The following TCFL5 variants were observed in gnomAD, a reference collection of about 807,000 sequenced individuals.
TCFL5 encodes the protein transcription factor-like 5 protein.
Under a neutral mutation model 44.3 loss-of-function variants are expected in TCFL5, and 9 were observed. That is an observed-to-expected ratio of 0.20 (90% confidence interval 0.12 to 0.35). The LOEUF (loss-of-function observed/expected upper bound fraction) is 0.35, where lower values mean the gene tolerates loss of function less well. Among genes scored for constraint, TCFL5 ranks in the 10% least tolerant of loss-of-function variants. The pLI is 1.00. For missense variants in TCFL5, 603 were observed against 613.4 expected (o/e 0.98, Z 0.18); for synonymous variants, 319 against 271.6 (o/e 1.17, Z -1.72).
At chr20:62,858,525 T>G (rs1402579685) in intron 3 of TCFL5, among the ~76,000 whole-genome samples, 2 of 152,256 alleles carry the variant, frequency 1.3e-5, no homozygotes, top group Non-Finnish European at 2.9e-5. Context: ...GAGAAGGCGG[T>G]AGCTCTTCCT....
intron 5 of TCFL5, chr20:62,845,408 C>T: frequency 8.2e-7 from 1 of 1,221,150 alleles, no homozygotes; most frequent in South Asian, 1.6e-5. Flanking sequence ...CAGGCGTGAG[C>T]TACGACGCCC....
chr20:62,855,638 T>A (rs1305854683), intron 4 of TCFL5, among the ~76,000 whole-genome samples: 1 of 152,182 alleles, frequency 6.6e-6, no homozygotes, highest in African/African-American at 2.4e-5. Context: ...TGGTGACGCA[T>A]GCCTGTAATC....
intron 3 of TCFL5, among the ~76,000 whole-genome samples, chr20:62,858,045 T>C (rs1227620489): frequency 6.6e-6 from 1 of 151,428 alleles, no homozygotes; most frequent in African/African-American, 2.4e-5. Context: ...CCCAAAAATA[T>C]TTTCTTTATA....
intron 4 of TCFL5, among the ~76,000 whole-genome samples, chr20:62,855,251 C>T (rs1477462267): frequency 6.6e-6 from 1 of 152,138 alleles, no homozygotes; most frequent in Non-Finnish European, 1.5e-5. Flanking sequence ...CGCTGACCTC[C>T]CAGGCTCAAG....
In TCFL5 at chr20:62,861,076, G is replaced by C; in HGVS notation, c.595C>G (p.Pro199Ala). 1.0e-6 allele frequency: 1 copy of C among 996,308 alleles called. No individual in the cohort carries two copies. Among genetic ancestry groups the C allele is most frequent in the South Asian group, 4.5e-5 (1 of 22,214 alleles). The allele number at this position is 996,308 out of a possible 1,614,324, so 61.7% of individuals were successfully genotyped here. A position where few individuals can be genotyped will look rare whatever the true frequency, so the allele number is the denominator to read the frequency against. ...DRFNSIPAEP[P>A]PAPRGPEPPE... ...GGCTCGGGGCCGCGCGGCGCGGGCG[G>C]CGGCTCGGCGGGGATGCTGTTGAAG... The change falls in exon 1 of 6, where the codon CCG becomes GCG. Residue 199 changes from proline to alanine, a missense_variant. Around this residue, in one of 4 missense-constraint regions of TCFL5, gnomAD observed 540 missense variants for 478.7 expected, o/e 1.13. Coordinates refer to ENST00000335351, the MANE Select transcript of TCFL5 (RefSeq NM_006602.4). The surrounding 1 kb of genome is among the most constrained non-coding windows in gnomAD (Gnocchi z 4.0).
At position 62,842,898 on chromosome 20, in the gene TCFL5, G is replaced by A. The variant is rs372410517; in HGVS notation, c.1381-801C>T. Among the ~76,000 whole-genome samples the A allele has an allele frequency of 2.0e-5, 3 of 152,220 alleles. No individual in the cohort carries two copies. Among genetic ancestry groups the A allele is most frequent in the African/African-American group, 4.8e-5 (2 of 41,440 alleles). On this transcript the variant is annotated intron_variant, in intron 5 of 5. Transcript: ENST00000335351. This position sits in a 1 kb window ranked among gnomAD's most constrained non-coding sequence, Gnocchi z 4.3. ...GGCCAGCAAGGTGGAGGTGCTGCTC[G>A]CTGAGATGGCTCTGTCCTTGGGGAG...
chr20:62,845,798 G>C, intron 5 of TCFL5: 2 of 1,604,364 alleles, frequency 1.2e-6, no homozygotes, highest in Non-Finnish European at 1.7e-6. Context: ...GGGAAGGTGT[G>C]GCAATGTGTC....
In TCFL5 at chr20:62,851,154, C is replaced by T. The variant is rs576752058; in HGVS notation, c.1380+2862G>A. 1.2e-4 allele frequency among the ~76,000 whole-genome samples: 18 copies of T among 152,262 alleles called. No homozygotes were observed. In the South Asian group the frequency reaches 3.7e-3, roughly 32 times the overall value. On this transcript the variant is annotated intron_variant, in intron 5 of 5. Coordinates refer to ENST00000335351, the MANE Select transcript of TCFL5 (RefSeq NM_006602.4). ...AAATATGCATCCAAGTAAAAGGGGG[C>T]AGTCACTAAAGAAACAATTAAGAAC...
At chr20:62,850,518 C>G (rs1165353643) in intron 5 of TCFL5, among the ~76,000 whole-genome samples, 1 of 152,124 alleles carries the variant, frequency 6.6e-6, no homozygotes, top group East Asian at 1.9e-4. Context: ...AAGCCTTGTG[C>G]CTTTCCTCCT....
chr20:62,853,015 T>G (rs560952484), intron 5 of TCFL5: 1 of 1,263,442 alleles, frequency 7.9e-7, no homozygotes, highest in African/African-American at 1.6e-5. Flanking sequence ...CGCAGAAGTA[T>G]AGTCACCCGG....
At chr20:62,849,365 C>T (rs1232261414) in intron 5 of TCFL5, among the ~76,000 whole-genome samples, 1 of 151,982 alleles carries the variant, frequency 6.6e-6, no homozygotes, top group Non-Finnish European at 1.5e-5. Flanking sequence ...TTAAAATTAC[C>T]AACAGTAAAT....
intron 4 of TCFL5, among the ~76,000 whole-genome samples, chr20:62,855,763 T>C (rs1049552044): frequency 7.2e-5 from 11 of 151,812 alleles, no homozygotes; most frequent in African/African-American, 2.4e-4. Context: ...TAAATCTCCA[T>C]CTCACCAAAT....
intron 3 of TCFL5, among the ~76,000 whole-genome samples, chr20:62,858,075 A>AG (rs1460781497): frequency 6.6e-6 from 1 of 152,194 alleles, no homozygotes; most frequent in Non-Finnish European, 1.5e-5. Context: ...TCTAAGAACA[A>AG]GAAAAAAAAA....
chr20:62,859,522 G>C lies in TCFL5; in HGVS notation c.836C>G (p.Ser279Cys), dbSNP rs1365906840. 3.7e-6 allele frequency: 6 copies of C among 1,603,880 alleles called. No homozygotes were observed. The highest frequency in any genetic ancestry group is 5.1e-6 in the Non-Finnish European group (6 of 1,177,746). Reference sequence around the variant, plus strand: ...TTCAAGTACAGAACATGAGTTACTAGAACTCTGGAAAAAAATGAAGCAACA... The same window carrying C: ...TTCAAGTACAGAACATGAGTTACTACAACTCTGGAAAAAAATGAAGCAACA... ...GNSNLSQTQSSSNSCSVLEAA... is the reference protein window; with the variant it reads ...GNSNLSQTQSCSNSCSVLEAA... The change falls in exon 3 of 6, where the codon TCT becomes TGT. Residue 279 changes from serine to cysteine, a missense_variant. Transcript: ENST00000335351.
rs568837623 is a variant in TCFL5 at position 62,846,294 on chromosome 20, T to G, written c.1381-4197A>C. Among the ~76,000 whole-genome samples, 5 of 152,314 alleles carry G rather than the reference T, an allele frequency of 3.3e-5. No individual in the cohort carries two copies. The South Asian group carries it at 1.0e-3, about 32-fold the overall frequency. On this transcript the variant is annotated intron_variant, in intron 5 of 5. Coordinates refer to ENST00000335351, the MANE Select transcript of TCFL5 (RefSeq NM_006602.4). ...CGGCGTCTGCCTTCACTATGAACAG[T>G]TGGGCAGAGGCAGGGTTGAGTTGTG...
chr20:62,860,160 A>G lies in TCFL5; in HGVS notation c.796T>C (p.Ser266Pro), dbSNP rs775585524. Residue 266 changes from serine (S) to proline (P), a missense_variant, in exon 2 of 6, where the codon TCT becomes CCT. Physicochemically the swap from Ser to Pro is moderately conservative, Grantham distance 74. Around this residue, in one of 4 missense-constraint regions of TCFL5, gnomAD observed 540 missense variants for 478.7 expected, o/e 1.13. Transcript: ENST00000335351. ...GAAAGATTAGAATTTCCACTAGTAG[A>G]GCAAGCATTTGTAGTAAACAGTGGG... is the stretch of plus-strand genomic sequence containing the variant. ...TYPLFTTNAC[S>P]TSGNSNLSQT... The G allele has an allele frequency of 9.9e-6, 16 of 1,612,826 alleles. No individual in the cohort carries two copies. The South Asian group carries it at 1.6e-4, about 17-fold the overall frequency.
chr20:62,843,237 C>G (rs760473464), intron 5 of TCFL5, among the ~76,000 whole-genome samples: 34 of 152,174 alleles, frequency 2.2e-4, no homozygotes, highest in Non-Finnish European at 4.9e-4. Context: ...TTCAAATGAG[C>G]TGACCGTAGA....
chr20:62,860,792 G>A (rs1049254206), intron 1 of TCFL5, among the ~76,000 whole-genome samples: 8 of 152,188 alleles, frequency 5.3e-5, no homozygotes, highest in Non-Finnish European at 1.0e-4. Context: ...CTCCAGGCGG[G>A]GCCACTGAGG....
chr20:62,842,451 A>G lies in TCFL5; in HGVS notation c.1381-354T>C, dbSNP rs2063690013. Among the ~76,000 whole-genome samples, 1 of 152,194 alleles carries G rather than the reference A, an allele frequency of 6.6e-6. No individual in the cohort carries two copies. Among genetic ancestry groups the G allele is most frequent in the South Asian group, 2.1e-4 (1 of 4,830 alleles). On this transcript the variant is annotated intron_variant, in intron 5 of 5. Transcript: ENST00000335351. The surrounding 1 kb of genome is among the most constrained non-coding windows in gnomAD (Gnocchi z 4.3). Reference sequence around the variant, plus strand: ...ACCTGTAAACCCAGCGTGTGAGAGAAGGTAGAGTGTATATATTAAAACGTT... The same window carrying G: ...ACCTGTAAACCCAGCGTGTGAGAGAGGGTAGAGTGTATATATTAAAACGTT...
Sources: allele counts gnomAD v4.1 joint callset (sites outside exome capture counted in the v4.1 genomes callset), GRCh38; gene constraint gnomAD v4.1.1; regional missense constraint gnomAD v4.1.1; non-coding constraint Gnocchi (gnomAD v3.1); transcripts MANE v1.5; gene names NCBI Gene and HGNC (gene_info 2026-07-23, HGNC 2026-07-21).